Variants in UNC13C observed in about 807,000 individuals in gnomAD.
UNC13C encodes the protein unc-13 homolog C.
In UNC13C, 174 loss-of-function variants were observed where a neutral mutation model predicts 245.4. That is an observed-to-expected ratio of 0.71 (90% CI 0.63 to 0.80). UNC13C has a LOEUF of 0.80. Among genes scored for constraint, UNC13C ranks in the 30% least tolerant of loss-of-function variants. The probability of loss-of-function intolerance (pLI) is 0.00; values close to 1 mark genes in which losing one functional copy is unlikely to be tolerated. For synonymous variants in UNC13C, 992 were observed against 895.1 expected (o/e 1.11, Z -1.93); for missense variants, 2,829 against 2,602.9 (o/e 1.09, Z -1.89).
At chr15:54,481,749 T>C (rs1893130710) in intron 19 of UNC13C, among the ~76,000 whole-genome samples, 1 of 152,024 alleles carries the variant, frequency 6.6e-6, no homozygotes, top group South Asian at 2.1e-4. Flanking sequence ...ACATGAAAAG[T>C]TGCTGCATCT....
intron 2 of UNC13C, chr15:54,050,744 C>G (rs772388523): frequency 5.2e-6 from 3 of 576,074 alleles, no homozygotes; most frequent in Non-Finnish European, 1.0e-5. Context: ...AGTTGTTCCA[C>G]TAGTGAACAA....
chr15:54,396,147 T>C (rs2040065299), intron 18 of UNC13C, among the ~76,000 whole-genome samples: 1 of 151,754 alleles, frequency 6.6e-6, no homozygotes, highest in South Asian at 2.1e-4. Context: ...TTAAATAGTC[T>C]AATTTGAATA....
intron 2 of UNC13C, among the ~76,000 whole-genome samples, chr15:54,117,724 G>A (rs2030370611): frequency 6.6e-6 from 1 of 151,964 alleles, no homozygotes; most frequent in Non-Finnish European, 1.5e-5. Context: ...GGGGCTACCG[G>A]CACATGCCAC....
chr15:53,966,022 T>G, the UNC13C span, among the ~76,000 whole-genome samples: 1 of 152,120 alleles, frequency 6.6e-6, no homozygotes, highest in Non-Finnish European at 1.5e-5. Context: ...TGCCACAGAT[T>G]CAGTGCACTT....
At chr15:53,874,131 A>G in the UNC13C span, among the ~76,000 whole-genome samples, 1 of 151,916 alleles carries the variant, frequency 6.6e-6, no homozygotes, top group Non-Finnish European at 1.5e-5. Context: ...ATGTTTCACC[A>G]CACCCAGCTA....
intron 19 of UNC13C, among the ~76,000 whole-genome samples, chr15:54,455,880 C>T (rs1484085542): frequency 5.9e-5 from 9 of 152,154 alleles, no homozygotes; most frequent in Admixed American, 5.2e-4. Context: ...TTAATTAAAT[C>T]CCATCTATAT....
At chr15:53,852,164 T>C in the UNC13C span, among the ~76,000 whole-genome samples, 1 of 152,152 alleles carries the variant, frequency 6.6e-6, no homozygotes, top group Non-Finnish European at 1.5e-5. Flanking sequence ...CAGGAAGATA[T>C]TGTCAGATTT....
intron 4 of UNC13C, among the ~76,000 whole-genome samples, chr15:54,228,405 G>A (rs147730589): frequency 1.4e-4 from 22 of 151,950 alleles, no homozygotes; most frequent in South Asian, 2.1e-4. Flanking sequence ...TTTTCTCTCC[G>A]TTTCTCAAGC....
chr15:53,842,737 A>G, the UNC13C span, among the ~76,000 whole-genome samples: 152 of 152,202 alleles, frequency 1.0e-3, no homozygotes, highest in African/African-American at 3.5e-3. Flanking sequence ...TAGTTTGACA[A>G]CTTGCACCCA....
intron 18 of UNC13C, among the ~76,000 whole-genome samples, chr15:54,407,723 C>A (rs1006470528): frequency 6.6e-6 from 1 of 152,002 alleles, no homozygotes. Context: ...GGTATAGAAG[C>A]AGATCTTAGC....
At chr15:54,519,256 A>G (rs1010779687) in intron 24 of UNC13C, among the ~76,000 whole-genome samples, 2 of 152,226 alleles carry the variant, frequency 1.3e-5, no homozygotes, top group Admixed American at 6.5e-5. Flanking sequence ...AATGTATAAG[A>G]GAAAAGAATG....
At chr15:54,240,438 T>G (rs1440792024) in intron 7 of UNC13C, among the ~76,000 whole-genome samples, 1 of 152,176 alleles carries the variant, frequency 6.6e-6, no homozygotes, top group Non-Finnish European at 1.5e-5. Flanking sequence ...TGCTTTTATG[T>G]GAAGGGAAAT....
chr15:53,890,140 C>CTT, the UNC13C span, among the ~76,000 whole-genome samples: 43,558 of 145,138 alleles, frequency 0.3, 6,734 homozygotes, highest in Middle Eastern at 0.39. Context: ...ACCAGCGCCT[C>CTT]TTTTTTTTTT....
the UNC13C span, among the ~76,000 whole-genome samples, chr15:53,840,560 T>C: frequency 4.6e-5 from 7 of 152,246 alleles, no homozygotes; most frequent in South Asian, 1.5e-3. Context: ...GCACCTGAGG[T>C]GAAGCCTGAG....
the UNC13C span, among the ~76,000 whole-genome samples, chr15:53,971,116 G>A: frequency 4.6e-5 from 7 of 152,108 alleles, no homozygotes; most frequent in Non-Finnish European, 8.8e-5. Context: ...GTGATGTTGA[G>A]CATAATTTCA....
intron 1 of UNC13C, among the ~76,000 whole-genome samples, chr15:53,998,233 T>C (rs1894723443): frequency 6.6e-6 from 1 of 152,224 alleles, no homozygotes; most frequent in African/African-American, 2.4e-5. Flanking sequence ...ATTAAATCTA[T>C]AGATCACTTT....
At chr15:53,888,315 C>A in the UNC13C span, among the ~76,000 whole-genome samples, 195 of 152,276 alleles carry the variant, frequency 1.3e-3, no homozygotes, top group African/African-American at 4.6e-3. Context: ...TGATGATGAA[C>A]ATTTTTTCAT....
At chr15:54,044,042 CA>C (rs1034186258) in intron 2 of UNC13C, among the ~76,000 whole-genome samples, 1 of 152,076 alleles carries the variant, frequency 6.6e-6, no homozygotes, top group Non-Finnish European at 1.5e-5. Context: ...TTTGTCACCC[CA>C]AAAAGAAACC....
At chr15:54,632,808 G>C (rs1004179084), downstream of UNC13C, 9 of 152,162 alleles carry the variant, frequency 5.9e-5, no homozygotes, top group African/African-American at 2.2e-4. Context: ...CAGGTAGTAA[G>C]AGTTCTCCAT....
Sources: gnomAD v4.1 joint callset for allele counts (sites outside exome capture counted in the v4.1 genomes callset) on GRCh38, gnomAD v4.1.1 for gene constraint, MANE v1.5 for transcripts, NCBI Gene and HGNC (gene_info 2026-07-23, HGNC 2026-07-21) for gene names.